PCDHA1: variants seen among roughly 807,000 people sequenced by gnomAD.
The protein encoded by PCDHA1 is protocadherin alpha-1.
Under a neutral mutation model 61.3 loss-of-function variants are expected in PCDHA1, and 42 were observed. The observed-to-expected ratio is 0.69, with a 90% CI of 0.54 to 0.89. PCDHA1 has a LOEUF of 0.89. PCDHA1 is among the 40% of genes least tolerant of loss of function. PCDHA1 has a pLI of 0.00. For missense variants in PCDHA1, 1,256 were observed against 1,235.3 expected (o/e 1.02, Z -0.25); for synonymous variants, 610 against 553.8 (o/e 1.10, Z -1.43).
At chr5:140,949,682 A>T (rs1229666281) in intron 1 of PCDHA1, among the ~76,000 whole-genome samples, 3 of 151,768 alleles carry the variant, frequency 2.0e-5, no homozygotes, top group Non-Finnish European at 4.4e-5. Context: ...CCCTTGTTGA[A>T]GCGTATTGTT....
chr5:140,851,789 C>G, intron 1 of PCDHA1: 1 of 955,732 alleles, frequency 1.0e-6, no homozygotes, highest in Non-Finnish European at 1.3e-6. Context: ...TGAGAATTCA[C>G]TTGTTCTGTC....
At chr5:140,960,836 AG>A (rs551951864) in intron 1 of PCDHA1, among the ~76,000 whole-genome samples, 345 of 152,342 alleles carry the variant, frequency 2.3e-3, no homozygotes, top group African/African-American at 7.6e-3. Flanking sequence ...AACTTGGAAC[AG>A]GTTTAATGGC....
chr5:140,850,318 C>T lies in PCDHA1; in HGVS notation c.2394+61634C>T, dbSNP rs1306863704. On this transcript the variant is annotated intron_variant, in intron 1 of 3. Transcript: ENST00000504120. ...GACTCGGGCTACAACGCGTGGCTTT[C>T]ATACGAGCTGCAGCCAGAAACGGCC... The T allele has an allele frequency of 4.4e-6, 7 of 1,597,384 alleles. 1 individual carries two copies. In the African/African-American group the frequency reaches 5.4e-5, roughly 12 times the overall value.
At position 140,960,518 on chromosome 5, in the gene PCDHA1, G is replaced by A. The variant is rs555475003; in HGVS notation, c.2395-18431G>A. Among the ~76,000 whole-genome samples the A allele has an allele frequency of 2.6e-5, 4 of 152,176 alleles. No homozygotes were observed. The East Asian group carries it at 7.7e-4, about 29-fold the overall frequency. ...TTTGTTCCAAGCAGCAAACATAATG[G>A]GTATAGGAAAGAGAAACTGTGGCCT... On this transcript the variant is annotated intron_variant, in intron 1 of 3. Coordinates refer to ENST00000504120, the MANE Select transcript of PCDHA1 (RefSeq NM_018900.4).
At chr5:140,995,214 C>T (rs1193715389) in intron 3 of PCDHA1, among the ~76,000 whole-genome samples, 2 of 152,136 alleles carry the variant, frequency 1.3e-5, no homozygotes, top group Admixed American at 6.6e-5. Flanking sequence ...AGGCACAATA[C>T]TCTTGTGCTT....
intron 1 of PCDHA1, chr5:140,969,437 T>C (rs1429370144): frequency 1.8e-5 from 28 of 1,547,818 alleles, no homozygotes; most frequent in Non-Finnish European, 2.4e-5. Context: ...ACAAGAGTTA[T>C]CTGGTAAACT....
At chr5:140,903,585 T>C (rs928775971) in intron 1 of PCDHA1, among the ~76,000 whole-genome samples, 2 of 152,224 alleles carry the variant, frequency 1.3e-5, no homozygotes, top group Non-Finnish European at 2.9e-5. Context: ...TAGCTGGTGT[T>C]GGCCTGATAA....
chr5:140,819,098 AT>A (rs1766490568), intron 1 of PCDHA1, among the ~76,000 whole-genome samples: 2 of 152,214 alleles, frequency 1.3e-5, no homozygotes, highest in African/African-American at 4.8e-5. Flanking sequence ...TGTGTATTAT[AT>A]GCTCATGGTA....
chr5:140,893,048 T>C (rs1462017776), intron 1 of PCDHA1, among the ~76,000 whole-genome samples: 1 of 152,250 alleles, frequency 6.6e-6, no homozygotes, highest in Non-Finnish European at 1.5e-5. Flanking sequence ...CCCTCCAGGC[T>C]CAGCCATACT....
At chr5:140,790,226 GC>G (rs1403763857) in intron 1 of PCDHA1, among the ~76,000 whole-genome samples, 6 of 152,142 alleles carry the variant, frequency 3.9e-5, no homozygotes, top group African/African-American at 1.4e-4. Flanking sequence ...TAGCAGTTTT[GC>G]AAAACCCACG....
At chr5:141,000,558 G>A (rs1462892656) in intron 3 of PCDHA1, among the ~76,000 whole-genome samples, 1 of 149,136 alleles carries the variant, frequency 6.7e-6, no homozygotes, top group Admixed American at 6.8e-5. Flanking sequence ...CTCCCGAGTA[G>A]CTGGGATTAC....
chr5:140,883,980 G>A, intron 1 of PCDHA1: 1 of 1,612,872 alleles, frequency 6.2e-7, no homozygotes, highest in Non-Finnish European at 8.5e-7. Context: ...CCCGGGGCTG[G>A]CAGCGCGGGA....
At chr5:140,969,610 GA>G in intron 1 of PCDHA1, 1 of 723,542 alleles carries the variant, frequency 1.4e-6, no homozygotes, top group East Asian at 2.8e-5. Context: ...CTAAAACACA[GA>G]TTTGTAGAGA....
At chr5:140,795,238 C>T (rs1554119319) in intron 1 of PCDHA1, 6 of 1,614,154 alleles carry the variant, frequency 3.7e-6, no homozygotes, top group Non-Finnish European at 5.1e-6. Context: ...TCGGATCGAC[C>T]GGGAGGAGCT....
At chr5:140,957,900 G>A (rs2095395670) in intron 1 of PCDHA1, among the ~76,000 whole-genome samples, 1 of 151,932 alleles carries the variant, frequency 6.6e-6, no homozygotes, top group South Asian at 2.1e-4. Flanking sequence ...CATCAACCAA[G>A]GCATATTGTT....
rs140013560 is a variant in PCDHA1 at position 140,850,963 on chromosome 5, C to A, written c.2394+62279C>A. On this transcript the variant is annotated intron_variant, in intron 1 of 3. Coordinates refer to ENST00000504120, the MANE Select transcript of PCDHA1 (RefSeq NM_018900.4). The stretch of plus-strand genomic sequence containing the variant: ...AGATATTATCGATTACTCCCAGGGG[C>A]CGTTCAAATAGTTTTATTCATTTTT... The A allele has an allele frequency of 5.0e-4, 731 of 1,472,590 alleles. 40 individuals carry two copies. The African/African-American group carries it at 9.3e-3, about 19-fold the overall frequency. The allele number at this position is 1,472,590 out of a possible 1,614,324, so 91.2% of individuals were successfully genotyped here.
At chr5:140,873,665 A>G (rs1554166831) in intron 1 of PCDHA1, among the ~76,000 whole-genome samples, 1 of 152,034 alleles carries the variant, frequency 6.6e-6, no homozygotes. Flanking sequence ...CACTATTATT[A>G]TTTGTTTCTT....
At chr5:140,924,484 A>G (rs1198741385) in intron 1 of PCDHA1, among the ~76,000 whole-genome samples, 1 of 152,184 alleles carries the variant, frequency 6.6e-6, no homozygotes, top group Non-Finnish European at 1.5e-5. Flanking sequence ...TTTTAGTGGA[A>G]CACTGGCATT....
chr5:140,978,787 C>G (rs1164015518), intron 1 of PCDHA1, 162 bp from the exon 2 acceptor site: 2 of 972,388 alleles, frequency 2.1e-6, no homozygotes, highest in Non-Finnish European at 2.4e-6. Context: ...TTCTAAAGTG[C>G]TATATATGTA....
Sources: gnomAD v4.1 joint callset for allele counts (sites outside exome capture counted in the v4.1 genomes callset) on GRCh38, gnomAD v4.1.1 for gene constraint, MANE v1.5 for transcripts, NCBI Gene and HGNC (gene_info 2026-07-23, HGNC 2026-07-21) for gene names.